The following CPLX3 variants were observed in gnomAD, a reference collection of about 807,000 sequenced individuals.
CPLX3 encodes complexin 3.
CPLX3 carries 12 observed loss-of-function variants against 17.2 expected under a neutral mutation model. The ratio of observed to expected loss-of-function variants is 0.70; its 90% CI spans 0.45 to 1.13. The LOEUF (loss-of-function observed/expected upper bound fraction) is 1.13, where lower values mean the gene tolerates loss of function less well. Ranked by LOEUF, CPLX3 falls within the 50% of genes most tolerant of loss-of-function variation. The pLI, the probability that CPLX3 is intolerant of heterozygous loss-of-function variation, is 0.00. For missense variants in CPLX3, 172 were observed against 203.2 expected (o/e 0.85, Z 0.93); for synonymous variants, 75 against 79.4 (o/e 0.94, Z 0.29).
In CPLX3 at chr15:74,830,479, C is replaced by G; in HGVS notation, c.*125C>G. 1 of 729,768 alleles carries G rather than the reference C, an allele frequency of 1.4e-6. No homozygotes were observed. The highest frequency in any genetic ancestry group is 2.7e-5 in the East Asian group (1 of 36,850). 45.2% of individuals were successfully genotyped at this position (729,768 alleles called of 1,614,324 possible). The stretch of plus-strand genomic sequence containing the variant: ...GCCCCATCCTAGTTCCAAGACCTTT[C>G]CCATCCATGCCCCAAGCCTATCTTC... On this transcript the variant is annotated 3_prime_UTR_variant, in exon 3 of 3. Coordinates refer to ENST00000395018, the MANE Select transcript of CPLX3 (RefSeq NM_001030005.3).
chr15:74,827,930 T>C, intron 1 of CPLX3, 104 bp from the exon 2 acceptor site: 1 of 919,234 alleles, frequency 1.1e-6, no homozygotes, highest in Non-Finnish European at 1.7e-6. Context: ...CAGGGACCAA[T>C]GCAGCAGCTG....
chr15:74,830,429 C>A lies in CPLX3; in HGVS notation c.*75C>A. On this transcript the variant is annotated 3_prime_UTR_variant, in exon 3 of 3. Coordinates refer to ENST00000395018, the MANE Select transcript of CPLX3 (RefSeq NM_001030005.3). ...GTGTGTCAACTTCCAGGGACCCATA[C>A]TCCATTTGGGGCTTTGTTTCCCTTG... 8.0e-7 allele frequency: 1 copy of A among 1,242,430 alleles called. No individual in the cohort carries two copies. The highest frequency in any genetic ancestry group is 1.1e-6 in the Non-Finnish European group (1 of 874,838). 77.0% of individuals were successfully genotyped at this position (1,242,430 alleles called of 1,614,324 possible). A position where few individuals can be genotyped will look rare whatever the true frequency, so the allele number is the denominator to read the frequency against.
At chr15:74,828,394 C>T (rs2063953489) in intron 2 of CPLX3, among the ~76,000 whole-genome samples, 1 of 152,184 alleles carries the variant, frequency 6.6e-6, no homozygotes, top group African/African-American at 2.4e-5. Context: ...CTCTTCTCTC[C>T]TCCACCCCCC....
chr15:74,830,466 T>C lies in CPLX3; in HGVS notation c.*112T>C, dbSNP rs141104376. On this transcript the variant is annotated 3_prime_UTR_variant, in exon 3 of 3. Coordinates refer to ENST00000395018, the MANE Select transcript of CPLX3 (RefSeq NM_001030005.3). ...CTTTGTTTCCCTTGCCCCATCCTAGTTCCAAGACCTTTCCCATCCATGCCC... is the reference window on the plus strand; with the variant it reads ...CTTTGTTTCCCTTGCCCCATCCTAGCTCCAAGACCTTTCCCATCCATGCCC... 4.9e-4 allele frequency: 418 copies of C among 844,976 alleles called. 1 individual carries two copies. In the African/African-American group the frequency reaches 6.2e-3, roughly 13 times the overall value. 52.3% of individuals were successfully genotyped at this position (844,976 alleles called of 1,614,324 possible).
chr15:74,830,094 A>C, intron 2 of CPLX3, 36 bp from the exon 3 acceptor site: 1 of 1,564,616 alleles, frequency 6.4e-7, no homozygotes, highest in South Asian at 1.1e-5. Context: ...ACAGACTTCC[A>C]CTCCACCCCA....
In CPLX3 at chr15:74,826,832, G is replaced by C; in HGVS notation, c.129G>C (p.Glu43Asp). ...AAGCTCAGGGCATGAGCCGGGAGGA[G>C]TACGAGGAGTATCAGAAGCAACTCG... ...AAEAQGMSRE[E>D]YEEYQKQLVE... The change falls in exon 1 of 3, where the codon GAG becomes GAC. Residue 43 changes from glutamate to aspartate, a missense_variant. Coordinates refer to ENST00000395018, the MANE Select transcript of CPLX3 (RefSeq NM_001030005.3). This position sits in a 1 kb window ranked among gnomAD's most constrained non-coding sequence, Gnocchi z 5.0. 6.2e-7 allele frequency: 1 copy of C among 1,605,024 alleles called. No homozygotes were observed. Among genetic ancestry groups the C allele is most frequent in the Non-Finnish European group, 8.5e-7 (1 of 1,175,670 alleles).
At chr15:74,828,146 A>AC in intron 2 of CPLX3, 25 bp downstream of exon 2, 1 of 1,551,300 alleles carries the variant, frequency 6.4e-7, no homozygotes, top group Non-Finnish European at 8.7e-7. Flanking sequence ...GCTGTGAGGC[A>AC]CATCTGGGAC....
Position 74,830,910 on chromosome 15 carries a change from T to G in CPLX3, c.*556T>G, listed in dbSNP as rs190087465. Reference sequence around the variant, plus strand: ...TCTCTCTGAGCCTTATTTCATCATCTGTAAAATGGGAATGTCCTGAATGAC... The same window carrying G: ...TCTCTCTGAGCCTTATTTCATCATCGGTAAAATGGGAATGTCCTGAATGAC... On this transcript the variant is annotated 3_prime_UTR_variant, in exon 3 of 3. Transcript: ENST00000395018. 421 of 153,188 alleles carry G rather than the reference T, an allele frequency of 2.7e-3. 2 individuals carry two copies. The highest frequency in any genetic ancestry group is 5.0e-3 in the Non-Finnish European group (339 of 68,402). The allele number at this position is 153,188 out of a possible 1,614,324, so 9.5% of individuals were successfully genotyped here.
chr15:74,828,919 G>A (rs2063955921), intron 2 of CPLX3, among the ~76,000 whole-genome samples: 1 of 152,136 alleles, frequency 6.6e-6, no homozygotes, highest in African/African-American at 2.4e-5. Flanking sequence ...GTCTAAGGAG[G>A]GGAATGAAGC....
Position 74,830,192 on chromosome 15 carries a change from G to A in CPLX3, c.315G>A (p.Leu105=). The change falls in exon 3 of 3, where the codon CTG becomes CTA. Residue 105 remains leucine, a synonymous_variant. Coordinates refer to ENST00000395018, the MANE Select transcript of CPLX3 (RefSeq NM_001030005.3). The stretch of plus-strand genomic sequence containing the variant: ...GAGACGTGGAGCTGCCCCGGGAGCT[G>A]GCCAAGATGATCGAGGAGGACACAG... ...AGGDVELPRE[L]AKMIEEDTEE... is the part of the protein sequence containing the mutation. 2 of 1,613,926 alleles carry A rather than the reference G, an allele frequency of 1.2e-6. No homozygotes were observed. Among genetic ancestry groups the A allele is most frequent in the South Asian group, 2.2e-5 (2 of 91,050 alleles).
In CPLX3 at chr15:74,827,019, C is replaced by T. The variant is rs776584379; in HGVS notation, c.164+152C>T. The T allele has an allele frequency of 2.0e-4, 133 of 657,076 alleles. 1 individual carries two copies. Among genetic ancestry groups the T allele is most frequent in the Middle Eastern group, 1.2e-3 (3 of 2,462 alleles). 40.7% of individuals were successfully genotyped at this position (657,076 alleles called of 1,614,324 possible). ...CGGGAGGTGTCCTCTACACTGCCCC[C>T]AGACCCATCCTATCTGACACCCAAA... On this transcript the variant is annotated intron_variant, in intron 1 of 2. Transcript: ENST00000395018.
At chr15:74,829,906 T>TC (rs1335139929) in intron 2 of CPLX3, among the ~76,000 whole-genome samples, 2 of 148,308 alleles carry the variant, frequency 1.3e-5, no homozygotes, top group East Asian at 4.0e-4. Context: ...ATTCCTGTAT[T>TC]CCCCCGGCAC....
intron 2 of CPLX3, among the ~76,000 whole-genome samples, chr15:74,829,487 G>A (rs986695656): frequency 6.6e-6 from 1 of 152,116 alleles, no homozygotes; most frequent in Non-Finnish European, 1.5e-5. Context: ...TTTAAAGTAA[G>A]TTACTTAAAT....
Position 74,826,947 on chromosome 15 carries a change from C to T in CPLX3, c.164+80C>T, listed in dbSNP as rs1239868748. ...GCTCAGTCCATCCCCGGGCCAGCCT[C>T]AGGTCCCAATCCCTTCTCCCCTACT... On this transcript the variant is annotated intron_variant, in intron 1 of 2. Coordinates refer to ENST00000395018, the MANE Select transcript of CPLX3 (RefSeq NM_001030005.3). The surrounding 1 kb of genome is among the most constrained non-coding windows in gnomAD (Gnocchi z 5.0). The T allele has an allele frequency of 2.3e-6, 3 of 1,324,192 alleles. No individual in the cohort carries two copies. The highest frequency in any genetic ancestry group is 3.1e-6 in the Non-Finnish European group (3 of 960,652). 82.0% of individuals were successfully genotyped at this position (1,324,192 alleles called of 1,614,324 possible). A position where few individuals can be genotyped will look rare whatever the true frequency, so the allele number is the denominator to read the frequency against.
intron 1 of CPLX3, among the ~76,000 whole-genome samples, chr15:74,827,206 C>A (rs1400256475): frequency 6.6e-6 from 1 of 152,212 alleles, no homozygotes; most frequent in Non-Finnish European, 1.5e-5. Context: ...TGTCTTCCAA[C>A]TGGGGCTCCT....
In CPLX3 at chr15:74,828,227, G is replaced by T. The variant is rs2063952695; in HGVS notation, c.252+106G>T. 4.8e-6 allele frequency: 4 copies of T among 841,346 alleles called. No homozygotes were observed. In the Admixed American group the frequency reaches 8.3e-5, roughly 18 times the overall value. 52.1% of individuals were successfully genotyped at this position (841,346 alleles called of 1,614,324 possible). On this transcript the variant is annotated intron_variant, in intron 2 of 2. Transcript: ENST00000395018. ...CAGCCCTCAGCTATGAGACTCACAG[G>T]GTATTTGGTTAGATCCTTCCTTCTC...
In CPLX3 at chr15:74,830,374, C is replaced by A; in HGVS notation, c.*20C>A. 2 of 1,597,080 alleles carry A rather than the reference C, an allele frequency of 1.3e-6. No individual in the cohort carries two copies. Among genetic ancestry groups the A allele is most frequent in the South Asian group, 1.1e-5 (1 of 89,600 alleles). ...ATGTGACCACTTCCCCGGGGTTACCCACTGGGCTGGGCCCCCATGAGGGCT... is the reference window on the plus strand; with the variant it reads ...ATGTGACCACTTCCCCGGGGTTACCAACTGGGCTGGGCCCCCATGAGGGCT... On this transcript the variant is annotated 3_prime_UTR_variant, in exon 3 of 3. Coordinates refer to ENST00000395018, the MANE Select transcript of CPLX3 (RefSeq NM_001030005.3).
In CPLX3 at chr15:74,826,685, GC is replaced by G; in HGVS notation, c.-15del. 1 of 1,598,108 alleles carries G rather than the reference GC, an allele frequency of 6.3e-7. No homozygotes were observed. The highest frequency in any genetic ancestry group is 1.7e-5 in the Admixed American group (1 of 58,808). On this transcript the variant is annotated 5_prime_UTR_variant, in exon 1 of 3. Transcript: ENST00000395018. This position sits in a 1 kb window ranked among gnomAD's most constrained non-coding sequence, Gnocchi z 5.0. ...TGGCGCGTGGTAGCAGGCGCCCGGT[GC>G]CCCGGCCGGCGAAGACCATGGCGTT...
Position 74,831,229 on chromosome 15 carries a change from T to C in CPLX3, c.*875T>C, listed in dbSNP as rs1254138599. The stretch of plus-strand genomic sequence containing the variant: ...CTCAGTGAAAAATAAAAATCCCAAA[T>C]GGTGTGCCTACCTTCCCACTTCTTA... On this transcript the variant is annotated 3_prime_UTR_variant, in exon 3 of 3. Transcript: ENST00000395018. The C allele has an allele frequency of 1.3e-5, 2 of 152,478 alleles. No homozygotes were observed. Among genetic ancestry groups the C allele is most frequent in the African/African-American group, 2.4e-5 (1 of 41,450 alleles). The allele number at this position is 152,478 out of a possible 1,614,324, so 9.4% of individuals were successfully genotyped here. A position where few individuals can be genotyped will look rare whatever the true frequency, so the allele number is the denominator to read the frequency against.
Sources: allele counts gnomAD v4.1 joint callset (sites outside exome capture counted in the v4.1 genomes callset), GRCh38; gene constraint gnomAD v4.1.1; non-coding constraint Gnocchi (gnomAD v3.1); transcripts MANE v1.5; gene names NCBI Gene and HGNC (gene_info 2026-07-23, HGNC 2026-07-21).